FIG4: variants seen among roughly 807,000 people sequenced by gnomAD.
FIG4 encodes the protein FIG4 phosphoinositide 5-phosphatase.
In FIG4, 112 loss-of-function variants were observed where a neutral mutation model predicts 118.6. The ratio of observed to expected loss-of-function variants is 0.94; its 90% CI spans 0.81 to 1.11. The LOEUF is 1.11. Ranked by LOEUF, FIG4 falls within the 50% of genes least tolerant of loss-of-function variation. The pLI, the probability that FIG4 is intolerant of heterozygous loss-of-function variation, is 0.00. For synonymous variants in FIG4, 369 were observed against 381.2 expected, an observed-to-expected ratio of 0.97 and a Z score of 0.37; for missense variants, 969 against 1,111.7, an observed-to-expected ratio of 0.87 and a Z score of 1.83.
At position 109,765,138 on chromosome 6, in the gene FIG4, A is replaced by G; in HGVS notation, c.1560A>G (p.Leu520=). 1 of 1,614,048 alleles carries G rather than the reference A, an allele frequency of 6.2e-7. No homozygotes were observed. The highest frequency in any genetic ancestry group is 8.5e-7 in the Non-Finnish European group (1 of 1,179,946). Residue 520 remains leucine, a synonymous_variant, in exon 14 of 23, where the codon CTA becomes CTG. Transcript: ENST00000230124. ...TGGGACTGATTGACAAACCTAATCT[A>G]CAGTTTGATACAGATGCAGTTAGGT... ...YSLGLIDKPN[L]QFDTDAVRLF...
At chr6:109,805,345 G>A (rs935837085) in intron 22 of FIG4, among the ~76,000 whole-genome samples, 1 of 152,162 alleles carries the variant, frequency 6.6e-6, no homozygotes, top group African/African-American at 2.4e-5. Context: ...TTCCTGATTT[G>A]CATTTGCCTA....
chr6:109,807,254 C>A (rs913719114), intron 22 of FIG4, among the ~76,000 whole-genome samples: 2 of 152,214 alleles, frequency 1.3e-5, no homozygotes, highest in Non-Finnish European at 2.9e-5. Context: ...TATTTCTCCA[C>A]ATCTTCTCCA....
At chr6:109,775,580 A>G (rs1777594424) in intron 15 of FIG4, among the ~76,000 whole-genome samples, 1 of 152,220 alleles carries the variant, frequency 6.6e-6, no homozygotes, top group African/African-American at 2.4e-5. Context: ...AAGAAGCAGA[A>G]AGAATGTAAT....
At chr6:109,744,949 T>C (rs1337241839) in intron 10 of FIG4, among the ~76,000 whole-genome samples, 2 of 152,134 alleles carry the variant, frequency 1.3e-5, no homozygotes, top group Non-Finnish European at 2.9e-5. Flanking sequence ...GCTTCATCCA[T>C]GTCCCTGCAA....
In FIG4 at chr6:109,825,027, T is replaced by C. The variant is rs1779117128; in HGVS notation, c.2547-61T>C. 3 of 1,501,384 alleles carry C rather than the reference T, an allele frequency of 2.0e-6. No individual in the cohort carries two copies. In the Admixed American group the frequency reaches 5.0e-5, roughly 25 times the overall value. 93.0% of individuals were successfully genotyped at this position (1,501,384 alleles called of 1,614,324 possible). On this transcript the variant is annotated intron_variant, in intron 22 of 22. Coordinates refer to ENST00000230124, the MANE Select transcript of FIG4 (RefSeq NM_014845.6). ...GACTCTCAAGTGCTTCTGAGACTGC[T>C]CCCTGTGGTCCTTCCTTATATTTTC...
intron 22 of FIG4, among the ~76,000 whole-genome samples, chr6:109,803,488 G>C (rs1778479396): frequency 6.6e-6 from 1 of 152,222 alleles, no homozygotes; most frequent in African/African-American, 2.4e-5. Flanking sequence ...GGCTAAGGTA[G>C]TGAGTTTCAG....
At chr6:109,801,103 C>T (rs1412627643) in intron 22 of FIG4, among the ~76,000 whole-genome samples, 1 of 152,208 alleles carries the variant, frequency 6.6e-6, no homozygotes, top group African/African-American at 2.4e-5. Context: ...ATCATTAGTG[C>T]TTGCTTTTCT....
Position 109,738,327 on chromosome 6 carries a change from G to T in FIG4, c.649G>T (p.Val217Leu). The T allele has an allele frequency of 1.2e-6, 2 of 1,602,952 alleles. No individual in the cohort carries two copies. Among genetic ancestry groups the T allele is most frequent in the Non-Finnish European group, 1.7e-6 (2 of 1,170,244 alleles). Residue 217 changes from valine (V) to leucine (L), a missense_variant and splice_region_variant, in exon 7 of 23, where the codon GTA (valine) becomes TTA (leucine). Coordinates refer to ENST00000230124, the MANE Select transcript of FIG4 (RefSeq NM_014845.6). ...TGATACAGACTTTTATTTTTCAGGG[G>T]TATTTGGGATCTGTAGTGAGCCTTA... is the stretch of plus-strand genomic sequence containing the variant. ...EGLITQGGSG[V>L]FGICSEPYMK...
chr6:109,691,429 C>T lies in FIG4; in HGVS notation c.-7C>T, dbSNP rs765243012. ...GCCCTGTTGTGGGGCCCCCATTTGC[C>T]GCCGCCATGCCCACGGCCGCCGCCC... On this transcript the variant is annotated 5_prime_UTR_variant, in exon 1 of 23. Coordinates refer to ENST00000230124, the MANE Select transcript of FIG4 (RefSeq NM_014845.6). 1 of 1,573,994 alleles carries T rather than the reference C, an allele frequency of 6.4e-7. No individual in the cohort carries two copies. Among genetic ancestry groups the T allele is most frequent in the Non-Finnish European group, 8.6e-7 (1 of 1,159,492 alleles).
At chr6:109,695,453 A>G (rs1096136) in intron 1 of FIG4, among the ~76,000 whole-genome samples, 35,748 of 151,962 alleles carry the variant, frequency 0.24, 5,173 homozygotes, top group Non-Finnish European at 0.35. Context: ...GTGGAGAAGG[A>G]CTCTGTGATG....
At chr6:109,767,151 C>T (rs796148602) in intron 15 of FIG4, among the ~76,000 whole-genome samples, 3 of 152,194 alleles carry the variant, frequency 2.0e-5, no homozygotes, top group African/African-American at 7.2e-5. Flanking sequence ...ACTTTAATTC[C>T]TTGGCTTCTG....
Position 109,792,576 on chromosome 6 carries a change from C to T in FIG4, c.2377-6C>T, listed in dbSNP as rs565566542. The T allele has an allele frequency of 1.9e-6, 3 of 1,551,960 alleles. No homozygotes were observed. Among genetic ancestry groups the T allele is most frequent in the Non-Finnish European group, 2.7e-6 (3 of 1,127,552 alleles). ...CTGGTTCTTCTTTTTTTTTTTTAAA[C>T]CCCAGAATGTGGTCCAACCCATGAA... On this transcript the variant is annotated splice_polypyrimidine_tract_variant and splice_region_variant and intron_variant, in intron 20 of 22. Transcript: ENST00000230124.
At chr6:109,795,962 A>G (rs1436750536) in intron 21 of FIG4, among the ~76,000 whole-genome samples, 1 of 152,164 alleles carries the variant, frequency 6.6e-6, no homozygotes, top group Non-Finnish European at 1.5e-5. Context: ...ACAAAACTAC[A>G]AAACCGTATC....
intron 10 of FIG4, among the ~76,000 whole-genome samples, chr6:109,746,237 G>A (rs1776493690): frequency 1.3e-5 from 2 of 152,130 alleles, no homozygotes; most frequent in South Asian, 4.1e-4. Context: ...CTTATAGTCA[G>A]TCATTTAACA....
intron 3 of FIG4, among the ~76,000 whole-genome samples, chr6:109,724,944 T>G (rs62437563): frequency 0.29 from 43,531 of 151,712 alleles, 6,721 homozygotes; most frequent in Non-Finnish European, 0.35. Context: ...CAACAGATCT[T>G]GAGAATTTTT....
rs144744419 is a variant in FIG4, at chr6:109,744,071, A to G, written c.1137+299A>G. The stretch of plus-strand genomic sequence containing the variant: ...CCTTGTGTGAATTAGATATAGGTCA[A>G]ATTTCTGCCTTAGTTTCCAGGACAA... On this transcript the variant is annotated intron_variant, in intron 10 of 22. Coordinates refer to ENST00000230124, the MANE Select transcript of FIG4 (RefSeq NM_014845.6). 8.2e-4 allele frequency among the ~76,000 whole-genome samples: 125 copies of G among 152,246 alleles called. 3 individuals are homozygous for G. The East Asian group carries it at 0.018, about 22-fold the overall frequency.
At chr6:109,777,591 C>T (rs1777657834) in intron 16 of FIG4, among the ~76,000 whole-genome samples, 1 of 152,084 alleles carries the variant, frequency 6.6e-6, no homozygotes, top group Non-Finnish European at 1.5e-5. Flanking sequence ...CTTGTAATTC[C>T]AATATTCTCT....
At chr6:109,777,710 G>T (rs1777660998) in intron 16 of FIG4, among the ~76,000 whole-genome samples, 1 of 152,208 alleles carries the variant, frequency 6.6e-6, no homozygotes, top group South Asian at 2.1e-4. Context: ...TCACATGCTT[G>T]AGTCACTTGC....
intron 16 of FIG4, among the ~76,000 whole-genome samples, chr6:109,778,440 A>G (rs778858075): frequency 1.3e-5 from 2 of 149,244 alleles, no homozygotes; most frequent in Non-Finnish European, 3.0e-5. Context: ...ACGGCACTCC[A>G]ACCTGGGCAA....
Sources: allele counts gnomAD v4.1 joint callset (sites outside exome capture counted in the v4.1 genomes callset), GRCh38; gene constraint gnomAD v4.1.1; transcripts MANE v1.5; gene names NCBI Gene and HGNC (gene_info 2026-07-23, HGNC 2026-07-21).